KCTD19: variants seen among roughly 807,000 people sequenced by gnomAD.
KCTD19 encodes potassium channel tetramerization domain containing 19.
KCTD19 carries 67 observed loss-of-function variants against 103.5 expected under a neutral mutation model. That is an observed-to-expected ratio of 0.65 (90% confidence interval 0.53 to 0.79). The LOEUF is 0.79. KCTD19 is among the 30% of genes least tolerant of loss of function. KCTD19 has a pLI of 0.00. For missense variants in KCTD19, 980 were observed against 1,136.1 expected, an observed-to-expected ratio of 0.86 and a Z score of 1.98; for synonymous variants, 439 against 452.2, an observed-to-expected ratio of 0.97 and a Z score of 0.37.
In KCTD19 at chr16:67,323,178, T is replaced by C. The variant is rs2037094482; in HGVS notation, c.4-2293A>G. Among the ~76,000 whole-genome samples, 2 of 152,194 alleles carry C rather than the reference T, an allele frequency of 1.3e-5. No individual in the cohort carries two copies. Among genetic ancestry groups the C allele is most frequent in the African/African-American group, 2.4e-5 (1 of 41,456 alleles). On this transcript the variant is annotated intron_variant, in intron 1 of 15. Coordinates refer to ENST00000304372, the MANE Select transcript of KCTD19 (RefSeq NM_001100915.3). The surrounding 1 kb of genome is among the most constrained non-coding windows in gnomAD (Gnocchi z 4.1). ...TGTAAAGCATGGAGTTATTCTACTA[T>C]GAGCCAGCAATTCCACTCCTAGGTG...
Position 67,297,984 on chromosome 16 carries a change from GTTTCT to G in KCTD19, c.987-326_987-322del, listed in dbSNP as rs1169205346. Among the ~76,000 whole-genome samples the G allele has an allele frequency of 3.8e-4, 56 of 147,846 alleles. 1 individual carries two copies. The highest frequency in any genetic ancestry group is 3.7e-3 in the Admixed American group (55 of 14,754). ...TTTTTGTATTTTTAGTAGAGACGGGGTTTCTTTTTTTTTTTTTTTCTTTTTTTGAG... is the reference window on the plus strand; with the variant it reads ...TTTTTGTATTTTTAGTAGAGACGGGGTTTTTTTTTTTTTTCTTTTTTTGAG... On this transcript the variant is annotated intron_variant, in intron 6 of 15. Transcript: ENST00000304372.
At chr16:67,309,561 C>T (rs2036929175) in intron 2 of KCTD19, among the ~76,000 whole-genome samples, 3 of 152,226 alleles carry the variant, frequency 2.0e-5, no homozygotes, top group Admixed American at 2.0e-4. Flanking sequence ...GCGTAGCACT[C>T]CAAGCCCATG....
chr16:67,295,019 G>A lies in KCTD19; in HGVS notation c.1429C>T (p.His477Tyr). 1 of 1,613,924 alleles carries A rather than the reference G, an allele frequency of 6.2e-7. No individual in the cohort carries two copies. The highest frequency in any genetic ancestry group is 8.5e-7 in the Non-Finnish European group (1 of 1,179,816). The change falls in exon 10 of 16, where the codon CAC (histidine) becomes TAC (tyrosine). Residue 477 changes from histidine to tyrosine, a missense_variant. His to Tyr is a moderately conservative substitution (Grantham distance 83). Coordinates refer to ENST00000304372, the MANE Select transcript of KCTD19 (RefSeq NM_001100915.3). ...PLFCQEVEEY[H>Y]IPSLSEALAQ... ...AGGGCTTCTGAGAGGGATGGAATGT[G>A]GTATTCCTCCACCTCCTGGCAGAAG...
At chr16:67,308,637 G>T (rs946784967) in intron 2 of KCTD19, among the ~76,000 whole-genome samples, 1 of 151,882 alleles carries the variant, frequency 6.6e-6, no homozygotes, top group Non-Finnish European at 1.5e-5. Flanking sequence ...TTCCTGAAGA[G>T]CCTGGAGCCT....
intron 1 of KCTD19, chr16:67,322,042 A>G (rs1328256261): frequency 6.6e-6 from 1 of 152,190 alleles, no homozygotes; most frequent in Non-Finnish European, 1.5e-5. Flanking sequence ...TACCAGCATA[A>G]GGATAAATAT....
chr16:67,290,167 C>CTTTTTTTTTTT (rs11296444), intron 15 of KCTD19, among the ~76,000 whole-genome samples: 3 of 69,286 alleles, frequency 4.3e-5, no homozygotes, highest in African/African-American at 5.8e-5. Context: ...TGAATATTTT[C>CTTTTTTTTTTT]TTTTTTTTTT....
At chr16:67,318,508 C>T (rs1204475344) in intron 2 of KCTD19, among the ~76,000 whole-genome samples, 2 of 146,070 alleles carry the variant, frequency 1.4e-5, no homozygotes, top group Admixed American at 7.1e-5. Flanking sequence ...TGCAGTGAGC[C>T]GAGATAGCGC....
chr16:67,291,077 A>T, intron 14 of KCTD19, 91 bp from the exon 15 acceptor site: 1 of 1,394,136 alleles, frequency 7.2e-7, no homozygotes, highest in Non-Finnish European at 9.9e-7. Flanking sequence ...GGGCCCACAG[A>T]GCCACAGGGG....
chr16:67,293,720 C>T lies in KCTD19; in HGVS notation c.2042G>A (p.Ser681Asn), dbSNP rs1431671517. 1 of 1,613,952 alleles carries T rather than the reference C, an allele frequency of 6.2e-7. No homozygotes were observed. The highest frequency in any genetic ancestry group is 1.3e-5 in the African/African-American group (1 of 74,894). ...ATGGGCTTTCCAGGCAGCTGAGGTG[C>T]TGGGCTGGGAAGCAGCCTCGCTTCC... ...PLGSEAASQP[S>N]TSAAWKAHST... The change falls in exon 12 of 16, where the codon AGC (serine) becomes AAC (asparagine). Residue 681 changes from serine (S) to asparagine (N), a missense_variant. Coordinates refer to ENST00000304372, the MANE Select transcript of KCTD19 (RefSeq NM_001100915.3). The surrounding 1 kb of genome is among the most constrained non-coding windows in gnomAD (Gnocchi z 4.0).
In KCTD19 at chr16:67,293,502, C is replaced by G. The variant is rs748583330; in HGVS notation, c.2218+42G>C. On this transcript the variant is annotated intron_variant, in intron 12 of 15. Transcript: ENST00000304372. The surrounding 1 kb of genome is among the most constrained non-coding windows in gnomAD (Gnocchi z 4.0). ...ATCTTGGCCAAAGAGTTTGCCTTCT[C>G]TGTTGTGAATAAGACTTAGATCAAA... 6.3e-7 allele frequency: 1 copy of G among 1,586,982 alleles called. No individual in the cohort carries two copies. The highest frequency in any genetic ancestry group is 8.6e-7 in the Non-Finnish European group (1 of 1,164,374).
intron 10 of KCTD19, 92 bp from the exon 11 acceptor site, chr16:67,294,786 T>A: frequency 9.5e-7 from 1 of 1,047,706 alleles, no homozygotes; most frequent in Non-Finnish European, 1.5e-6. Flanking sequence ...TGGGAGTTAA[T>A]GCTAGACAGC....
rs2036718957 is a variant in KCTD19, at chr16:67,293,094, T to G, written c.2218+450A>C. Among the ~76,000 whole-genome samples the G allele has an allele frequency of 6.6e-6, 1 of 152,196 alleles. No homozygotes were observed. The highest frequency in any genetic ancestry group is 2.4e-5 in the African/African-American group (1 of 41,440). On this transcript the variant is annotated intron_variant, in intron 12 of 15. Coordinates refer to ENST00000304372, the MANE Select transcript of KCTD19 (RefSeq NM_001100915.3). This position sits in a 1 kb window ranked among gnomAD's most constrained non-coding sequence, Gnocchi z 4.0. ...CTCTTGTCTAAAATCCTTCAGACGC[T>G]GCTCACTCCCATCCTGGTCAGAATG...
At chr16:67,299,709 A>G (rs1218429422) in intron 5 of KCTD19, 136 bp from the exon 6 acceptor site, 5 of 653,066 alleles carry the variant, frequency 7.7e-6, no homozygotes, top group East Asian at 5.6e-5. Context: ...TGCACAGTCC[A>G]AATCAAGATC....
chr16:67,291,099 C>G, intron 14 of KCTD19, 113 bp from the exon 15 acceptor site: 1 of 1,235,066 alleles, frequency 8.1e-7, no homozygotes, highest in Non-Finnish European at 1.1e-6. Flanking sequence ...AGGGGGCGGG[C>G]ACTGTCACTG....
intron 5 of KCTD19, 127 bp from the exon 6 acceptor site, chr16:67,299,700 G>C (rs564142170): frequency 3.1e-5 from 22 of 704,406 alleles, no homozygotes; most frequent in Non-Finnish European, 4.5e-5. Context: ...ATATTTCTTT[G>C]CACAGTCCAA....
chr16:67,317,761 C>T (rs984737318), intron 2 of KCTD19, among the ~76,000 whole-genome samples: 3 of 152,212 alleles, frequency 2.0e-5, no homozygotes, highest in South Asian at 2.1e-4. Flanking sequence ...GGCTCACATA[C>T]GTCGCTCACA....
intron 12 of KCTD19, among the ~76,000 whole-genome samples, chr16:67,292,997 C>A (rs987868356): frequency 6.6e-6 from 1 of 152,134 alleles, no homozygotes; most frequent in Non-Finnish European, 1.5e-5. Flanking sequence ...CAAGTGGCTT[C>A]GAATACCTAG....
rs753484610 is a variant in KCTD19, at chr16:67,303,694, C to T, written c.452-357G>A. Among the ~76,000 whole-genome samples, 4 of 152,016 alleles carry T rather than the reference C, an allele frequency of 2.6e-5. No individual in the cohort carries two copies. The highest frequency in any genetic ancestry group is 1.9e-4 in the East Asian group (1 of 5,170). ...TCCCAAGTAGCTGGGACTACAGGCACGTGCCACCACACCCAGCTAATTTTT... is the reference window on the plus strand; with the variant it reads ...TCCCAAGTAGCTGGGACTACAGGCATGTGCCACCACACCCAGCTAATTTTT... On this transcript the variant is annotated intron_variant, in intron 3 of 15. Coordinates refer to ENST00000304372, the MANE Select transcript of KCTD19 (RefSeq NM_001100915.3). The surrounding 1 kb of genome is among the most constrained non-coding windows in gnomAD (Gnocchi z 4.3).
Position 67,297,634 on chromosome 16 carries a change from A to C in KCTD19, c.1016T>G (p.Leu339Arg), listed in dbSNP as rs752707289. The C allele has an allele frequency of 6.2e-7, 1 of 1,613,988 alleles. No homozygotes were observed. Among genetic ancestry groups the C allele is most frequent in the Non-Finnish European group, 8.5e-7 (1 of 1,180,014 alleles). ...KNWLGTCRLP[L>R]TETISEVYEL... ...ATATACCTCGGAAATGGTCTCTGTC[A>C]GGGGCAGCCGGCAAGTCCCCAGCCA... The change falls in exon 7 of 16, where the codon CTG becomes CGG. Residue 339 changes from leucine (L) to arginine (R), a missense_variant. Transcript: ENST00000304372.
Sources: allele counts gnomAD v4.1 joint callset (sites outside exome capture counted in the v4.1 genomes callset), GRCh38; gene constraint gnomAD v4.1.1; non-coding constraint Gnocchi (gnomAD v3.1); transcripts MANE v1.5; gene names NCBI Gene and HGNC (gene_info 2026-07-23, HGNC 2026-07-21).